MACF1: variants seen among roughly 807,000 people sequenced by gnomAD.
The protein encoded by MACF1 is microtubule actin crosslinking factor 1, also known as microtubule-actin cross-linking factor 1.
A neutral mutation model predicts 854.8 loss-of-function variants in MACF1; 193 were observed. The observed-to-expected ratio is 0.23, with a 90% CI of 0.20 to 0.25. The LOEUF (loss-of-function observed/expected upper bound fraction) is 0.25, where lower values mean the gene tolerates loss of function less well. Among genes scored for constraint, MACF1 ranks in the 10% least tolerant of loss-of-function variants. The pLI, the probability that MACF1 is intolerant of heterozygous loss-of-function variation, is 1.00. For missense variants in MACF1, 7,722 were observed against 8,929.1 expected, an observed-to-expected ratio of 0.86 and a Z score of 5.45; for synonymous variants, 3,185 against 3,226.7, an observed-to-expected ratio of 0.99 and a Z score of 0.44.
intron 47 of MACF1, among the ~76,000 whole-genome samples, chr1:39,360,004 AAAAAAAAAATATATATATATAT>A (rs1647950151): frequency 1.4e-5 from 1 of 72,410 alleles, no homozygotes; most frequent in Admixed American, 1.6e-4. Context: ...AAAAAAAAAA[AAAAAAAAAATATATATATATAT>A]ATATATATAT....
At chr1:39,175,828 T>C (rs562976826) in intron 2 of MACF1, among the ~76,000 whole-genome samples, 1 of 149,976 alleles carries the variant, frequency 6.7e-6, no homozygotes, top group African/African-American at 2.4e-5. Flanking sequence ...CCAGGTGCAG[T>C]GGCTCACGCC....
At chr1:39,324,599 T>C in intron 34 of MACF1, 47 bp from the exon 35 acceptor site, 1 of 1,481,574 alleles carries the variant, frequency 6.7e-7, no homozygotes, top group Non-Finnish European at 9.2e-7. Context: ...TTTTTGACTC[T>C]TAATTCTTGG....
At chr1:39,202,217 C>G (rs2148263098), upstream of MACF1, among the ~76,000 whole-genome samples, 1 of 150,434 alleles carries the variant, frequency 6.6e-6, no homozygotes, top group Admixed American at 6.6e-5. Context: ...CCACCCGCCT[C>G]CGCCTCCCAA....
At chr1:39,385,193 G>A (rs1015975224) in intron 56 of MACF1, among the ~76,000 whole-genome samples, 12 of 152,032 alleles carry the variant, frequency 7.9e-5, no homozygotes, top group African/African-American at 2.9e-4. Flanking sequence ...TCAGCCTCCC[G>A]AGTAGCTGGG....
In MACF1 at chr1:39,084,848, A is replaced by T. The variant is rs1641628980; in HGVS notation, c.220+410A>T. ...AAAGCTGTCTATTTCATGACTTTCT[A>T]AATCCTACTCTTTTTTCACTTTTTG... On this transcript the variant is annotated intron_variant, in intron 2 of 93. Coordinates refer to the MACF1 transcript ENST00000361689. This position sits in a 1 kb window ranked among gnomAD's most constrained non-coding sequence, Gnocchi z 5.2. Among the ~76,000 whole-genome samples, 1 of 152,294 alleles carries T rather than the reference A, an allele frequency of 6.6e-6. No homozygotes were observed. The highest frequency in any genetic ancestry group is 1.9e-4 in the East Asian group (1 of 5,190).
At chr1:39,173,714 G>A (rs1015783513) in intron 2 of MACF1, among the ~76,000 whole-genome samples, 3 of 152,152 alleles carry the variant, frequency 2.0e-5, no homozygotes, top group African/African-American at 4.8e-5. Context: ...ACTGAGGGGC[G>A]GCTGTGTTTG....
At chr1:39,282,700 G>T (rs1571263040) in intron 7 of MACF1, among the ~76,000 whole-genome samples, 1 of 152,274 alleles carries the variant, frequency 6.6e-6, no homozygotes, top group South Asian at 2.1e-4. Context: ...GGTGGTCAGA[G>T]ATGGCCTTTT....
intron 15 of MACF1, among the ~76,000 whole-genome samples, chr1:39,291,452 T>G (rs1453570942): frequency 6.6e-6 from 1 of 152,192 alleles, no homozygotes; most frequent in Non-Finnish European, 1.5e-5. Flanking sequence ...TAACAATAAA[T>G]AAAAATATCC....
intron 4 of MACF1, 64 bp from the exon 5 acceptor site, chr1:39,254,234 G>T: frequency 7.4e-7 from 1 of 1,346,322 alleles, no homozygotes; most frequent in Non-Finnish European, 1.1e-6. Flanking sequence ...AAATAAAAGA[G>T]AAAGGGTCTG....
In MACF1 at chr1:39,435,649, G is replaced by T. The variant is rs368279342; in HGVS notation, c.17876G>T (p.Gly5959Val). The T allele has an allele frequency of 5.0e-6, 8 of 1,614,114 alleles. No homozygotes were observed. Among genetic ancestry groups the T allele is most frequent in the Non-Finnish European group, 8.5e-7 (1 of 1,180,010 alleles). ...CTAAAGGAATTAAACCCTGAGGAAG[G>T]GGAAATGGTGGAAGAAAAATACCAG... is the stretch of plus-strand genomic sequence containing the variant. ...PQLKELNPEE[G>V]EMVEEKYQKA... The change falls in exon 70 of 101, where the codon GGG becomes GTG. Residue 5959 changes from glycine to valine, a missense_variant. Physicochemically the swap from Gly to Val is moderately radical, Grantham distance 109 (BLOSUM62 -3). Around this residue, in one of 15 missense-constraint regions of MACF1, gnomAD observed 2,807 missense variants for 3,235.8 expected, o/e 0.87. Coordinates refer to ENST00000564288, the MANE Select transcript of MACF1 (RefSeq NM_001394062.1).
chr1:39,427,415 A>G, intron 61 of MACF1, 40 bp from the exon 62 acceptor site: 1 of 1,591,812 alleles, frequency 6.3e-7, no homozygotes, highest in East Asian at 2.2e-5. Flanking sequence ...TTTTAATGTG[A>G]CTTTTCTTCC....
intron 2 of MACF1, among the ~76,000 whole-genome samples, chr1:39,158,404 C>T (rs1643732044): frequency 6.6e-6 from 1 of 152,266 alleles, no homozygotes; most frequent in South Asian, 2.1e-4. Flanking sequence ...GTATTCCAGT[C>T]CGTAAACATG....
intron 89 of MACF1, chr1:39,458,139 A>G (rs532250423): frequency 6.8e-6 from 3 of 443,176 alleles, no homozygotes; most frequent in South Asian, 3.9e-5. Context: ...CCATAACTCA[A>G]TCACATCCCG....
intron 58 of MACF1, among the ~76,000 whole-genome samples, chr1:39,400,916 T>C (rs988078838): frequency 6.6e-6 from 1 of 151,994 alleles, no homozygotes; most frequent in African/African-American, 2.4e-5. Context: ...TTCTTGAAAA[T>C]TGGAAAAATG....
intron 2 of MACF1, among the ~76,000 whole-genome samples, chr1:39,199,537 T>C (rs1230289421): frequency 6.6e-6 from 1 of 152,072 alleles, no homozygotes; most frequent in Non-Finnish European, 1.5e-5. Flanking sequence ...TTGGATGACC[T>C]TGGCAAAATA....
chr1:39,139,256 C>T (rs985936783), intron 2 of MACF1, among the ~76,000 whole-genome samples: 13 of 150,712 alleles, frequency 8.6e-5, no homozygotes, highest in Non-Finnish European at 1.5e-4. Flanking sequence ...TTTTTTTCCT[C>T]TTGTTTACCC....
At chr1:39,423,706 T>C (rs1643630953) in intron 60 of MACF1, among the ~76,000 whole-genome samples, 1 of 152,104 alleles carries the variant, frequency 6.6e-6, no homozygotes, top group Middle Eastern at 3.2e-3. Flanking sequence ...GTGAAATGTT[T>C]ACCGTAGTCA....
At chr1:39,399,983 T>G (rs902523128) in intron 58 of MACF1, among the ~76,000 whole-genome samples, 6 of 152,256 alleles carry the variant, frequency 3.9e-5, no homozygotes, top group Non-Finnish European at 8.8e-5. Flanking sequence ...TATATCCTTG[T>G]GTGTCCTGAA....
At position 39,333,912 on chromosome 1, in the gene MACF1, C is replaced by G. The variant is rs1156524324; in HGVS notation, c.7324C>G (p.Leu2442Val). The change falls in exon 37 of 101, where the codon CTG (leucine) becomes GTG (valine). Residue 2442 changes from leucine (L) to valine (V), a missense_variant. Physicochemically the swap from Leu to Val is conservative, Grantham distance 32 (BLOSUM62 1). Coordinates refer to ENST00000564288, the MANE Select transcript of MACF1 (RefSeq NM_001394062.1). The part of the protein sequence containing the change: ...DVADQPELIN[L>V]EKASKGRDAE... The stretch of plus-strand genomic sequence containing the variant: ...TGCTGACCAGCCAGAACTTATAAAT[C>G]TGGAGAAAGCTTCCAAAGGTAGAGA... 1.9e-6 allele frequency: 3 copies of G among 1,613,994 alleles called. No individual in the cohort carries two copies. The Admixed American group carries it at 5.0e-5, about 27-fold the overall frequency.
Sources: gnomAD v4.1 joint callset for allele counts (sites outside exome capture counted in the v4.1 genomes callset) on GRCh38, gnomAD v4.1.1 for gene constraint, gnomAD v4.1.1 regional missense constraint, Gnocchi (gnomAD v3.1) non-coding constraint, MANE v1.5 for transcripts, NCBI Gene and HGNC (gene_info 2026-07-23, HGNC 2026-07-21) for gene names.